The following EYS variants were observed in gnomAD, a reference collection of about 807,000 sequenced individuals.
EYS encodes the protein EGF-like photoreceptor maintenance factor.
A neutral mutation model predicts 282.1 loss-of-function variants in EYS; 250 were observed. That is an observed-to-expected ratio of 0.89 (90% CI 0.80 to 0.98). The LOEUF is 0.98. Among genes scored for constraint, EYS ranks in the 50% least tolerant of loss-of-function variants. EYS has a pLI of 0.00. For missense variants in EYS, 4,016 were observed against 3,709.0 expected, an observed-to-expected ratio of 1.08 and a Z score of -2.15; for synonymous variants, 1,355 against 1,282.9, an observed-to-expected ratio of 1.06 and a Z score of -1.20.
intron 2 of EYS, among the ~76,000 whole-genome samples, chr6:65,545,612 A>ACG (rs1768356383): frequency 2.6e-5 from 4 of 152,176 alleles, no homozygotes; most frequent in Non-Finnish European, 4.4e-5. Context: ...TTCAATATGT[A>ACG]TGTTGTATAT....
intron 8 of EYS, among the ~76,000 whole-genome samples, chr6:65,382,467 G>GTGTGTGTGTC (rs1765653104): frequency 7.0e-6 from 1 of 143,850 alleles, no homozygotes; most frequent in African/African-American, 2.7e-5. Context: ...CTGTGTGTGT[G>GTGTGTGTGTC]TGTGTGTGTG....
chr6:64,467,341 G>A (rs1856442), intron 26 of EYS, among the ~76,000 whole-genome samples: 48,147 of 151,924 alleles, frequency 0.32, 7,722 homozygotes, highest in East Asian at 0.5. Context: ...CTAGAAATAG[G>A]TGATAGCATT....
chr6:65,586,379 T>C (rs62407718), intron 2 of EYS, among the ~76,000 whole-genome samples: 7,520 of 152,122 alleles, frequency 0.049, 264 homozygotes, highest in East Asian at 0.15. Context: ...TTAAATTCTA[T>C]GAATAATTTT....
At chr6:64,115,679 C>T (rs1773357613) in intron 31 of EYS, among the ~76,000 whole-genome samples, 1 of 152,202 alleles carries the variant, frequency 6.6e-6, no homozygotes, top group African/African-American at 2.4e-5. Flanking sequence ...CACATCCACC[C>T]ATAGGCAAAG....
chr6:64,374,205 G>A (rs1160898940), intron 29 of EYS, among the ~76,000 whole-genome samples: 1 of 146,400 alleles, frequency 6.8e-6, no homozygotes, highest in African/African-American at 2.5e-5. Flanking sequence ...GTGGAGGTGT[G>A]GGGGGTGGGG....
rs146913173 is a variant in EYS, at chr6:64,356,963, C to T, written c.6078+31727G>A. Among the ~76,000 whole-genome samples the T allele has an allele frequency of 8.7e-3, 1,312 of 151,558 alleles. 26 individuals carry two copies. Among genetic ancestry groups the T allele is most frequent in the African/African-American group, 0.029 (1,202 of 41,394 alleles). ...CATTTCTAAATCCAAGCCCTAAAGACAGATATGATTGAAGACTATAAAAAA... is the reference window on the plus strand; with the variant it reads ...CATTTCTAAATCCAAGCCCTAAAGATAGATATGATTGAAGACTATAAAAAA... On this transcript the variant is annotated intron_variant, in intron 29 of 42. Transcript: ENST00000503581.
intron 2 of EYS, among the ~76,000 whole-genome samples, chr6:65,514,773 T>C (rs1242382629): frequency 6.6e-6 from 1 of 152,154 alleles, no homozygotes; most frequent in Non-Finnish European, 1.5e-5. Context: ...TCCTTACACC[T>C]TATACAAAAA....
chr6:65,389,660 G>A (rs1363576841), intron 7 of EYS, among the ~76,000 whole-genome samples: 8 of 152,050 alleles, frequency 5.3e-5, no homozygotes, highest in South Asian at 2.1e-4. Context: ...TGGACAAGAC[G>A]TGTCAAAAGA....
At chr6:65,201,007 AT>A (rs1765886772) in intron 12 of EYS, among the ~76,000 whole-genome samples, 1 of 152,138 alleles carries the variant, frequency 6.6e-6, no homozygotes, top group Non-Finnish European at 1.5e-5. Context: ...CTTTTAAGAT[AT>A]TAGAACATAG....
At chr6:64,989,319 A>G (rs1180973342) in intron 14 of EYS, among the ~76,000 whole-genome samples, 2 of 146,510 alleles carry the variant, frequency 1.4e-5, no homozygotes, top group Non-Finnish European at 3.0e-5. Flanking sequence ...AGATGATGCC[A>G]TAGATCATTC....
At chr6:64,371,266 G>C (rs756327906) in intron 29 of EYS, among the ~76,000 whole-genome samples, 3 of 145,914 alleles carry the variant, frequency 2.1e-5, no homozygotes, top group Non-Finnish European at 4.5e-5. Flanking sequence ...TTATTTTTTT[G>C]TTTACCCAGA....
intron 35 of EYS, among the ~76,000 whole-genome samples, chr6:63,970,011 C>G (rs1482444): frequency 0.21 from 31,457 of 152,056 alleles, 6,570 homozygotes; most frequent in African/African-American, 0.53. Context: ...CTCTCCCTAT[C>G]TCCACACCCA....
In EYS at chr6:64,131,149, G is replaced by A. The variant is rs368462754; in HGVS notation, c.6425-49147C>T. Among the ~76,000 whole-genome samples the A allele has an allele frequency of 5.3e-5, 8 of 152,186 alleles. No homozygotes were observed. In the East Asian group the frequency reaches 7.7e-4, roughly 15 times the overall value. On this transcript the variant is annotated intron_variant, in intron 31 of 42. Coordinates refer to ENST00000503581, the MANE Select transcript of EYS (RefSeq NM_001142800.2). ...CCCAAAGTGCTGGGATTACAGGCAT[G>A]AGCCACTGGACCCGGTGTGAATTTT...
intron 35 of EYS, among the ~76,000 whole-genome samples, chr6:63,938,507 A>G (rs757709011): frequency 3.2e-4 from 49 of 152,256 alleles, no homozygotes; most frequent in Admixed American, 6.5e-4. Flanking sequence ...TGGGAAGACC[A>G]GAAGCTATTT....
chr6:63,757,120 G>C (rs1322766216), intron 41 of EYS, among the ~76,000 whole-genome samples: 3 of 152,214 alleles, frequency 2.0e-5, no homozygotes, highest in Admixed American at 2.0e-4. Flanking sequence ...TTCTTGCAGA[G>C]AGCCTGTAAA....
At chr6:64,976,218 A>T (rs1171305519) in intron 14 of EYS, among the ~76,000 whole-genome samples, 2 of 152,034 alleles carry the variant, frequency 1.3e-5, no homozygotes, top group Non-Finnish European at 2.9e-5. Flanking sequence ...TATATTCAAC[A>T]GCCTCTTTTT....
At chr6:64,397,370 T>C (rs1248485870) in intron 28 of EYS, among the ~76,000 whole-genome samples, 3 of 152,086 alleles carry the variant, frequency 2.0e-5, no homozygotes. Flanking sequence ...ACACTGATGT[T>C]ATATCTACCT....
chr6:63,823,268 T>C (rs1771370911), intron 36 of EYS, among the ~76,000 whole-genome samples: 2 of 152,184 alleles, frequency 1.3e-5, no homozygotes, highest in Non-Finnish European at 2.9e-5. Context: ...ATAAAATGAA[T>C]TGAGAAGCAC....
intron 28 of EYS, among the ~76,000 whole-genome samples, chr6:64,434,731 T>C (rs537414824): frequency 1.3e-5 from 2 of 152,144 alleles, no homozygotes; most frequent in Admixed American, 6.6e-5. Flanking sequence ...AAAGTATAGA[T>C]AATTATAATT....
Sources: allele counts gnomAD v4.1 joint callset (sites outside exome capture counted in the v4.1 genomes callset), GRCh38; gene constraint gnomAD v4.1.1; transcripts MANE v1.5; gene names NCBI Gene and HGNC (gene_info 2026-07-23, HGNC 2026-07-21).